Variants in PCDH9 observed in about 807,000 individuals in gnomAD.
PCDH9 encodes protocadherin 9, also known as protocadherin-9.
PCDH9 carries 24 observed loss-of-function variants against 70.6 expected under a neutral mutation model. That is an observed-to-expected ratio of 0.34 (90% CI 0.25 to 0.48). The LOEUF (loss-of-function observed/expected upper bound fraction) is 0.48, where lower values mean the gene tolerates loss of function less well. Ranked by LOEUF, PCDH9 falls within the 20% of genes least tolerant of loss-of-function variation. The pLI is 0.99. For missense variants in PCDH9, 1,281 were observed against 1,503.6 expected, an observed-to-expected ratio of 0.85 and a Z score of 2.45; for synonymous variants, 562 against 558.5, an observed-to-expected ratio of 1.01 and a Z score of -0.09.
chr13:66,547,803 C>G (rs1199187882), intron 4 of PCDH9, among the ~76,000 whole-genome samples: 6 of 149,358 alleles, frequency 4.0e-5, no homozygotes, highest in Non-Finnish European at 7.4e-5. Context: ...TTTAAATAAT[C>G]TTGATTCAAG....
At chr13:66,920,883 A>C (rs1487318894) in intron 2 of PCDH9, among the ~76,000 whole-genome samples, 5 of 151,346 alleles carry the variant, frequency 3.3e-5, no homozygotes, top group Non-Finnish European at 5.9e-5. Flanking sequence ...ACCATCTTTT[A>C]AAAACTGCTT....
chr13:66,921,343 G>T (rs890325017), intron 2 of PCDH9, among the ~76,000 whole-genome samples: 7 of 151,112 alleles, frequency 4.6e-5, no homozygotes, highest in African/African-American at 1.7e-4. Context: ...GAGAGAAAGG[G>T]TATTTTTAAA....
intron 2 of PCDH9, chr13:67,207,341 G>A (rs939098787): frequency 6.6e-6 from 1 of 152,136 alleles, no homozygotes; most frequent in Non-Finnish European, 1.5e-5. Flanking sequence ...GACTGCTAGG[G>A]TTGGAACCGT....
chr13:66,899,372 C>G (rs2082239297), intron 3 of PCDH9, among the ~76,000 whole-genome samples: 1 of 151,978 alleles, frequency 6.6e-6, no homozygotes, highest in South Asian at 2.1e-4. Flanking sequence ...TAGTTTAAAA[C>G]CCTTCCACCA....
intron 2 of PCDH9, among the ~76,000 whole-genome samples, chr13:67,150,838 C>G (rs1292816742): frequency 6.6e-6 from 1 of 152,206 alleles, no homozygotes; most frequent in Non-Finnish European, 1.5e-5. Context: ...CACTGCACTA[C>G]TATTGGCAAG....
At chr13:66,793,041 C>T (rs1351287832) in intron 3 of PCDH9, among the ~76,000 whole-genome samples, 1 of 151,862 alleles carries the variant, frequency 6.6e-6, no homozygotes, top group African/African-American at 2.4e-5. Flanking sequence ...TGAACCAGAA[C>T]AAACAGAAAT....
chr13:66,323,803 A>G (rs528404664), intron 4 of PCDH9, among the ~76,000 whole-genome samples: 8 of 151,982 alleles, frequency 5.3e-5, no homozygotes, highest in African/African-American at 1.9e-4. Context: ...GGATGTCAAG[A>G]TGCTCACATT....
At chr13:66,513,584 T>A (rs1959593402) in intron 4 of PCDH9, among the ~76,000 whole-genome samples, 1 of 152,116 alleles carries the variant, frequency 6.6e-6, no homozygotes, top group African/African-American at 2.4e-5. Flanking sequence ...TAAATCATCT[T>A]CCACAGGTTG....
At chr13:66,906,681 T>C (rs2082366456) in intron 2 of PCDH9, among the ~76,000 whole-genome samples, 1 of 152,190 alleles carries the variant, frequency 6.6e-6, no homozygotes, top group African/African-American at 2.4e-5. Flanking sequence ...CTTTCCTTAC[T>C]TTTTAAAATT....
chr13:67,028,730 T>C (rs931579158), intron 2 of PCDH9, among the ~76,000 whole-genome samples: 1 of 152,154 alleles, frequency 6.6e-6, no homozygotes, highest in Non-Finnish European at 1.5e-5. Flanking sequence ...AAATTACTAA[T>C]ATGTATTTCT....
intron 3 of PCDH9, among the ~76,000 whole-genome samples, chr13:66,855,600 C>T (rs889798961): frequency 6.6e-6 from 1 of 151,868 alleles, no homozygotes; most frequent in Non-Finnish European, 1.5e-5. Context: ...ATTCCAGACA[C>T]TATGTTAAAG....
At chr13:66,774,443 C>A (rs1283056586) in intron 3 of PCDH9, among the ~76,000 whole-genome samples, 1 of 137,760 alleles carries the variant, frequency 7.3e-6, no homozygotes, top group African/African-American at 2.6e-5. Context: ...TTCTCCTGCT[C>A]ATCTACTAGA....
chr13:66,575,858 TATGAG>T (rs2076807333), intron 4 of PCDH9, among the ~76,000 whole-genome samples: 1 of 152,134 alleles, frequency 6.6e-6, no homozygotes, highest in Non-Finnish European at 1.5e-5. Context: ...AGACAAGCCC[TATGAG>T]ATAAGAAACT....
chr13:66,328,484 A>C (rs1221169564), intron 4 of PCDH9, among the ~76,000 whole-genome samples: 1 of 152,156 alleles, frequency 6.6e-6, no homozygotes, highest in East Asian at 1.9e-4. Flanking sequence ...TTTTTATCTA[A>C]AATACAGAAA....
At chr13:66,815,253 A>T (rs1336495904) in intron 3 of PCDH9, among the ~76,000 whole-genome samples, 1 of 152,212 alleles carries the variant, frequency 6.6e-6, no homozygotes, top group Non-Finnish European at 1.5e-5. Flanking sequence ...AATGACTGTT[A>T]TTAAAAAGTC....
At chr13:66,716,510 T>C (rs2078867681) in intron 3 of PCDH9, among the ~76,000 whole-genome samples, 1 of 152,162 alleles carries the variant, frequency 6.6e-6, no homozygotes, top group South Asian at 2.1e-4. Flanking sequence ...GGTATTAATC[T>C]AATGTTAGCT....
chr13:66,602,173 T>C (rs2077172560), intron 4 of PCDH9, among the ~76,000 whole-genome samples: 1 of 145,914 alleles, frequency 6.9e-6, no homozygotes, highest in African/African-American at 2.5e-5. Context: ...GAAAATACAC[T>C]GACACTAATG....
At chr13:66,419,815 C>G (rs1957530489) in intron 4 of PCDH9, among the ~76,000 whole-genome samples, 1 of 149,742 alleles carries the variant, frequency 6.7e-6, no homozygotes, top group Non-Finnish European at 1.5e-5. Flanking sequence ...CGAAACAGAA[C>G]TGTTCACTAC....
At chr13:66,307,838 G>A (rs950986194) in intron 4 of PCDH9, among the ~76,000 whole-genome samples, 16 of 152,128 alleles carry the variant, frequency 1.1e-4, no homozygotes, top group Non-Finnish European at 2.1e-4. Flanking sequence ...TGTTGTGTGC[G>A]CGTTTATAAG....
Sources: gnomAD v4.1 joint callset for allele counts (sites outside exome capture counted in the v4.1 genomes callset) on GRCh38, gnomAD v4.1.1 for gene constraint, MANE v1.5 for transcripts, NCBI Gene and HGNC (gene_info 2026-07-23, HGNC 2026-07-21) for gene names.